Variants in NBEA observed in about 807,000 individuals in gnomAD.
NBEA encodes lysosomal-trafficking regulator 2.
In NBEA, 44 loss-of-function variants were observed where a neutral mutation model predicts 343.4. That is an observed-to-expected ratio of 0.13 (90% CI 0.10 to 0.16). The LOEUF (loss-of-function observed/expected upper bound fraction) is 0.16. NBEA is among the 10% of genes least tolerant of loss of function. The pLI, the probability that NBEA is intolerant of heterozygous loss-of-function variation, is 1.00. For synonymous variants in NBEA, 1,175 were observed against 1,238.7 expected, an observed-to-expected ratio of 0.95 and a Z score of 1.08; for missense variants, 2,555 against 3,631.3, an observed-to-expected ratio of 0.70 and a Z score of 7.62.
intron 49 of NBEA, among the ~76,000 whole-genome samples, chr13:35,631,137 CT>C (rs2083434587): frequency 6.6e-6 from 1 of 152,142 alleles, no homozygotes; most frequent in Admixed American, 6.5e-5. Flanking sequence ...CTCACTTTAC[CT>C]CAGTTGCTCT....
At chr13:35,397,023 G>A (rs943091793) in intron 38 of NBEA, among the ~76,000 whole-genome samples, 10 of 152,060 alleles carry the variant, frequency 6.6e-5, no homozygotes, top group African/African-American at 2.4e-4. Context: ...CTGCCTTTCA[G>A]CTTCCACTTT....
chr13:35,454,239 G>A (rs1235535876), intron 40 of NBEA, among the ~76,000 whole-genome samples: 1 of 152,198 alleles, frequency 6.6e-6, no homozygotes, highest in Non-Finnish European at 1.5e-5. Context: ...TAGGTTATAA[G>A]AATAGATTTA....
At chr13:35,399,707 A>AT (rs1292779154) in intron 38 of NBEA, among the ~76,000 whole-genome samples, 1 of 152,126 alleles carries the variant, frequency 6.6e-6, no homozygotes, top group Non-Finnish European at 1.5e-5. Context: ...TTGGCTAACC[A>AT]TTTGGAGAAA....
intron 1 of NBEA, among the ~76,000 whole-genome samples, chr13:35,006,264 C>A (rs1268457189): frequency 1.3e-5 from 2 of 151,442 alleles, no homozygotes; most frequent in Non-Finnish European, 2.9e-5. Context: ...CCTTTATTAA[C>A]CTTAAAAAAT....
intron 11 of NBEA, among the ~76,000 whole-genome samples, chr13:35,108,094 T>C (rs1054875800): frequency 1.3e-5 from 2 of 152,048 alleles, no homozygotes; most frequent in African/African-American, 4.8e-5. Context: ...GGAGGTAAAA[T>C]TGGTAAGACA....
intron 51 of NBEA, among the ~76,000 whole-genome samples, chr13:35,648,410 G>A (rs1477622286): frequency 6.6e-6 from 1 of 151,984 alleles, no homozygotes; most frequent in African/African-American, 2.4e-5. Flanking sequence ...AAACTGTCCA[G>A]AAGAATATCT....
intron 41 of NBEA, among the ~76,000 whole-genome samples, chr13:35,486,064 TC>T (rs955671301): frequency 4.4e-5 from 5 of 114,912 alleles, no homozygotes; most frequent in Non-Finnish European, 1.1e-4. Context: ...AATATGTTCT[TC>T]TCTTCACCTG....
chr13:35,652,780 C>T (rs779185298), intron 53 of NBEA, among the ~76,000 whole-genome samples: 10 of 142,790 alleles, frequency 7.0e-5, no homozygotes, highest in East Asian at 2.4e-4. Context: ...CTGCAACCTC[C>T]GCCTCCCGGG....
rs1299795820 is a variant in NBEA at position 35,452,214 on chromosome 13, A to G, written c.6427A>G (p.Lys2143Glu). ...DDDAVSLLQE[K>E]EIDNLAGPVV... ...TGATGCAGTCAGTCTGCTACAGGAGAAAGAAATTGACAACCTTGCAGGTAA... is the reference window on the plus strand; with the variant it reads ...TGATGCAGTCAGTCTGCTACAGGAGGAAGAAATTGACAACCTTGCAGGTAA... Residue 2143 changes from lysine (K) to glutamate (E), a missense_variant, in exon 40 of 59, where the codon AAA (lysine) becomes GAA (glutamate). Coordinates refer to ENST00000379939, the MANE Select transcript of NBEA (RefSeq NM_001385012.1). 1 of 1,586,352 alleles carries G rather than the reference A, an allele frequency of 6.3e-7. No individual in the cohort carries two copies. The highest frequency in any genetic ancestry group is 8.6e-7 in the Non-Finnish European group (1 of 1,166,016).
At chr13:35,383,695 G>C (rs887755291) in intron 38 of NBEA, among the ~76,000 whole-genome samples, 1 of 152,040 alleles carries the variant, frequency 6.6e-6, no homozygotes, top group Non-Finnish European at 1.5e-5. Flanking sequence ...TAGCTGTACT[G>C]CTGAGAAAGA....
intron 1 of NBEA, among the ~76,000 whole-genome samples, chr13:34,963,520 C>A (rs1161921839): frequency 6.6e-6 from 1 of 151,922 alleles, no homozygotes; most frequent in Non-Finnish European, 1.5e-5. Flanking sequence ...TACAGTGCAG[C>A]CCATAACAGC....
At chr13:35,061,883 AT>A (rs1368212228) in intron 8 of NBEA, among the ~76,000 whole-genome samples, 2 of 151,814 alleles carry the variant, frequency 1.3e-5, no homozygotes, top group East Asian at 3.9e-4. Flanking sequence ...TAGTCAAAAT[AT>A]GGAACAGTCA....
intron 1 of NBEA, among the ~76,000 whole-genome samples, chr13:35,016,591 CACA>C (rs1293040521): frequency 9.4e-4 from 1 of 1,060 alleles, no homozygotes; most frequent in African/African-American, 1.0e-3. Flanking sequence ...TATGTGTATA[CACA>C]CACACACACA....
chr13:35,512,830 C>G (rs1171108680), intron 41 of NBEA, among the ~76,000 whole-genome samples: 1 of 152,176 alleles, frequency 6.6e-6, no homozygotes, highest in Admixed American at 6.5e-5. Context: ...CCTTGCGGTC[C>G]TCATAGGTCG....
chr13:35,598,132 G>T (rs946364662), intron 47 of NBEA, among the ~76,000 whole-genome samples: 1 of 152,192 alleles, frequency 6.6e-6, no homozygotes, highest in Non-Finnish European at 1.5e-5. Flanking sequence ...CTAATTTGGA[G>T]ACCTGGGAGC....
At chr13:35,113,922 T>C (rs1207827257) in intron 13 of NBEA, among the ~76,000 whole-genome samples, 1 of 152,152 alleles carries the variant, frequency 6.6e-6, no homozygotes, top group Non-Finnish European at 1.5e-5. Flanking sequence ...ATTTCGATGC[T>C]CAAGATTTGG....
At position 35,545,020 on chromosome 13, in the gene NBEA, G is replaced by T. The variant is rs56174336; in HGVS notation, c.6586-5457G>T. On this transcript the variant is annotated intron_variant, in intron 41 of 58. Coordinates refer to ENST00000379939, the MANE Select transcript of NBEA (RefSeq NM_001385012.1). ...CCACAAACCTCAAGTATACATGAAAGTACTTAAATGACAGAAAAATATCTT... is the reference window on the plus strand; with the variant it reads ...CCACAAACCTCAAGTATACATGAAATTACTTAAATGACAGAAAAATATCTT... Among the ~76,000 whole-genome samples, 676 of 152,240 alleles carry T rather than the reference G, an allele frequency of 4.4e-3. 2 individuals are homozygous for T. The highest frequency in any genetic ancestry group is 6.6e-3 in the Non-Finnish European group (450 of 68,010).
chr13:35,518,335 G>A (rs1283089426), intron 41 of NBEA, among the ~76,000 whole-genome samples: 1 of 151,998 alleles, frequency 6.6e-6, no homozygotes, highest in Admixed American at 6.6e-5. Context: ...ATAAAATGTA[G>A]GTACTATTTA....
At chr13:35,393,598 A>T (rs1217452903) in intron 38 of NBEA, among the ~76,000 whole-genome samples, 1 of 152,110 alleles carries the variant, frequency 6.6e-6, no homozygotes, top group East Asian at 1.9e-4. Flanking sequence ...TCAGTTTCAA[A>T]CATTTATGGA....
Sources: allele counts gnomAD v4.1 joint callset (sites outside exome capture counted in the v4.1 genomes callset), GRCh38; gene constraint gnomAD v4.1.1; transcripts MANE v1.5; gene names NCBI Gene and HGNC (gene_info 2026-07-23, HGNC 2026-07-21).